ATP2A3: variants seen among roughly 807,000 people sequenced by gnomAD.
ATP2A3 encodes the protein ATPase sarcoplasmic/endoplasmic reticulum Ca2+ transporting 3, also known as sarcoplasmic/endoplasmic reticulum calcium ATPase 3.
In ATP2A3, 61 loss-of-function variants were observed where a neutral mutation model predicts 106.8. That is an observed-to-expected ratio of 0.57 (90% CI 0.46 to 0.71). ATP2A3 has a LOEUF of 0.71. ATP2A3 is among the 30% of genes least tolerant of loss of function. The probability of loss-of-function intolerance (pLI) is 0.00; values close to 1 mark genes in which losing one functional copy is unlikely to be tolerated. For synonymous variants in ATP2A3, 611 were observed against 609.3 expected (o/e 1.00, Z -0.04); for missense variants, 1,201 against 1,423.5 (o/e 0.84, Z 2.52).
intron 1 of ATP2A3, among the ~76,000 whole-genome samples, chr17:3,961,663 C>T (rs1403605340): frequency 1.3e-5 from 2 of 152,116 alleles, no homozygotes; most frequent in Non-Finnish European, 2.9e-5. Flanking sequence ...GGGGAGAACA[C>T]ATGTCTCTGG....
intron 1 of ATP2A3, among the ~76,000 whole-genome samples, 170 bp downstream of exon 1, chr17:3,964,004 C>T (rs917642992): frequency 2.6e-5 from 4 of 152,054 alleles, no homozygotes; most frequent in African/African-American, 9.7e-5. Flanking sequence ...AGCCCCGGCG[C>T]CGGCGAAGGT....
intron 10 of ATP2A3, 96 bp downstream of exon 10, chr17:3,944,608 G>A: frequency 1.5e-6 from 2 of 1,313,156 alleles, no homozygotes; most frequent in Non-Finnish European, 1.1e-6. Flanking sequence ...CTTCCAGGGA[G>A]CAAGGGCTGC....
chr17:3,947,285 G>A lies in ATP2A3; in HGVS notation c.1095+106C>T, dbSNP rs886598713. 11 of 1,375,954 alleles carry A rather than the reference G, an allele frequency of 8.0e-6. No homozygotes were observed. Among genetic ancestry groups the A allele is most frequent in the Non-Finnish European group, 1.0e-5 (10 of 983,308 alleles). The allele number at this position is 1,375,954 out of a possible 1,614,324, so 85.2% of individuals were successfully genotyped here. On this transcript the variant is annotated intron_variant, in intron 8 of 20. Transcript: ENST00000397041. This position sits in a 1 kb window ranked among gnomAD's most constrained non-coding sequence, Gnocchi z 7.7. ...GCTCTGGGCCAAGGGACAGCCCACA[G>A]ATTCTCTCCTCCATCCCTCACTGAA... is the stretch of plus-strand genomic sequence containing the variant.
chr17:3,936,719 A>G lies in ATP2A3; in HGVS notation c.2322-250T>C. 5 of 506,798 alleles carry G rather than the reference A, an allele frequency of 9.9e-6. No homozygotes were observed. Among genetic ancestry groups the G allele is most frequent in the Non-Finnish European group, 1.4e-5 (4 of 284,086 alleles). 31.4% of individuals were successfully genotyped at this position (506,798 alleles called of 1,614,324 possible). A position where few individuals can be genotyped will look rare whatever the true frequency, so the allele number is the denominator to read the frequency against. ...TGCTCTTTAGGCCTAGCAGAGGCCAAGTACACACACACACACACACACACA... is the reference window on the plus strand; with the variant it reads ...TGCTCTTTAGGCCTAGCAGAGGCCAGGTACACACACACACACACACACACA... On this transcript the variant is annotated intron_variant, in intron 15 of 20. Coordinates refer to ENST00000397041, the MANE Select transcript of ATP2A3 (RefSeq NM_005173.4). The surrounding 1 kb of genome is among the most constrained non-coding windows in gnomAD (Gnocchi z 5.4).
Position 3,930,600 on chromosome 17 carries a change from GCGGC to G in ATP2A3, c.2611-170_2611-167del. Reference sequence around the variant, plus strand: ...ATCCCGGGAGGGGTGCGGGGTCGGGGCGGCGGTGGGGAGAGCTGCACCGTGCCAG... The same window carrying G: ...ATCCCGGGAGGGGTGCGGGGTCGGGGGGTGGGGAGAGCTGCACCGTGCCAG... On this transcript the variant is annotated intron_variant, in intron 17 of 20. Coordinates refer to ENST00000397041, the MANE Select transcript of ATP2A3 (RefSeq NM_005173.4). This position sits in a 1 kb window ranked among gnomAD's most constrained non-coding sequence, Gnocchi z 5.4. 2.1e-6 allele frequency: 2 copies of G among 946,340 alleles called. No individual in the cohort carries two copies. The highest frequency in any genetic ancestry group is 2.7e-5 in the East Asian group (1 of 37,634). The allele number at this position is 946,340 out of a possible 1,614,324, so 58.6% of individuals were successfully genotyped here.
Position 3,928,401 on chromosome 17 carries a change from G to A in ATP2A3, c.2980+262C>T. The A allele has an allele frequency of 2.8e-6, 4 of 1,416,802 alleles. No individual in the cohort carries two copies. The highest frequency in any genetic ancestry group is 1.8e-5 in the Admixed American group (1 of 54,722). The allele number at this position is 1,416,802 out of a possible 1,614,324, so 87.8% of individuals were successfully genotyped here. On this transcript the variant is annotated intron_variant, in intron 20 of 20. Transcript: ENST00000397041. The surrounding 1 kb of genome is among the most constrained non-coding windows in gnomAD (Gnocchi z 6.1). The stretch of plus-strand genomic sequence containing the variant: ...CCTGGCCATGTAGGGGGTGGCAGGT[G>A]AAGACAGTGAGGCAGTGTGGCCCAA...
chr17:3,941,641 C>G lies in ATP2A3; in HGVS notation c.1559G>C (p.Ser520Thr), dbSNP rs756861948. ...SKMFVKGAPE[S>T]VIERCSSVRV... The stretch of plus-strand genomic sequence containing the variant: ...GACTGAGCTACAGCGCTCGATCACA[C>G]TCTCAGGAGCCCCCTGCGAGGTGGG... The change falls in exon 13 of 21, where the codon AGT (serine) becomes ACT (threonine). Residue 520 changes from serine to threonine, a missense_variant. Physicochemically the swap from Ser to Thr is moderately conservative, Grantham distance 58. Coordinates refer to ENST00000397041, the MANE Select transcript of ATP2A3 (RefSeq NM_005173.4). 7 of 1,608,126 alleles carry G rather than the reference C, an allele frequency of 4.4e-6. No individual in the cohort carries two copies. The Admixed American group carries it at 5.0e-5, about 11-fold the overall frequency.
chr17:3,963,845 T>G (rs1419646486), intron 1 of ATP2A3, among the ~76,000 whole-genome samples: 5 of 151,340 alleles, frequency 3.3e-5, no homozygotes, highest in Admixed American at 3.3e-4. Context: ...CGGCGCGGCG[T>G]TGGGGTGGAA....
intron 20 of ATP2A3, chr17:3,927,293 T>C (rs1042943329): frequency 6.1e-6 from 6 of 985,374 alleles, no homozygotes; most frequent in Non-Finnish European, 7.2e-6. Context: ...GCTGAGACAT[T>C]TTAGCCATGG....
chr17:3,940,425 G>A (rs1007843263), intron 14 of ATP2A3, among the ~76,000 whole-genome samples: 9 of 152,210 alleles, frequency 5.9e-5, no homozygotes, highest in Non-Finnish European at 4.4e-5. Context: ...GCATGGACAG[G>A]TATGTGATAA....
chr17:3,953,962 C>T lies in ATP2A3; in HGVS notation c.119-252G>A, dbSNP rs750506961. 1.4e-4 allele frequency among the ~76,000 whole-genome samples: 22 copies of T among 152,008 alleles called. No homozygotes were observed. Among genetic ancestry groups the T allele is most frequent in the Non-Finnish European group, 2.2e-4 (15 of 67,976 alleles). On this transcript the variant is annotated intron_variant, in intron 1 of 20. Transcript: ENST00000397041. This position sits in a 1 kb window ranked among gnomAD's most constrained non-coding sequence, Gnocchi z 5.1. Reference sequence around the variant, plus strand: ...GACTTGGCTCATCGTGGGATGAGTACGGAGCCAAGAGGGTCCTTCCAGCCC... The same window carrying T: ...GACTTGGCTCATCGTGGGATGAGTATGGAGCCAAGAGGGTCCTTCCAGCCC...
In ATP2A3 at chr17:3,953,500, C is replaced by G; in HGVS notation, c.137-71G>C. 6.4e-7 allele frequency: 1 copy of G among 1,564,892 alleles called. No individual in the cohort carries two copies. Among genetic ancestry groups the G allele is most frequent in the Non-Finnish European group, 8.8e-7 (1 of 1,136,990 alleles). On this transcript the variant is annotated intron_variant, in intron 2 of 20. Coordinates refer to ENST00000397041, the MANE Select transcript of ATP2A3 (RefSeq NM_005173.4). The surrounding 1 kb of genome is among the most constrained non-coding windows in gnomAD (Gnocchi z 5.1). ...CTGCCCACTCAGAGCTGGGATGGCC[C>G]GGGAGACCTCCCGGCCCATTCCCTC...
At chr17:3,941,377 G>A (rs55858476) in intron 13 of ATP2A3, 59 bp downstream of exon 13, 306,132 of 1,613,556 alleles carry the variant, frequency 0.19, 30,269 homozygotes, top group Middle Eastern at 0.28. Flanking sequence ...AGCTGCTGCA[G>A]GGAGACTTGG....
rs2052584383 is a variant in ATP2A3, at chr17:3,924,018, C to T, written c.*1404G>A. On this transcript the variant is annotated 3_prime_UTR_variant, in exon 21 of 21. Coordinates refer to ENST00000397041, the MANE Select transcript of ATP2A3 (RefSeq NM_005173.4). This position sits in a 1 kb window ranked among gnomAD's most constrained non-coding sequence, Gnocchi z 6.4. ...GGCACCAGACTCCCTGCCTCCCCCA[C>T]TGCGTTTCTCTCACTGGCCGCCCAG... 6.6e-6 allele frequency: 1 copy of T among 152,294 alleles called. No homozygotes were observed. Among genetic ancestry groups the T allele is most frequent in the Non-Finnish European group, 1.5e-5 (1 of 68,094 alleles). The allele number at this position is 152,294 out of a possible 1,614,324, so 9.4% of individuals were successfully genotyped here.
intron 10 of ATP2A3, among the ~76,000 whole-genome samples, chr17:3,944,451 C>CA (rs2053969295): frequency 1.3e-5 from 2 of 152,176 alleles, no homozygotes; most frequent in African/African-American, 4.8e-5. Flanking sequence ...CTCTTCCCCC[C>CA]ACAGGTTTCC....
chr17:3,927,990 C>T, intron 20 of ATP2A3: 2 of 1,614,068 alleles, frequency 1.2e-6, no homozygotes, highest in African/African-American at 1.3e-5. Flanking sequence ...CCCCTGCTTC[C>T]TCCCTCTCTG....
chr17:3,944,663 G>T, intron 10 of ATP2A3, 41 bp downstream of exon 10: 1 of 1,591,088 alleles, frequency 6.3e-7, no homozygotes, highest in Non-Finnish European at 8.6e-7. Context: ...TGTCCTGGTC[G>T]CCTGGATACT....
At chr17:3,939,537 C>G (rs1424059948) in intron 14 of ATP2A3, among the ~76,000 whole-genome samples, 1 of 151,832 alleles carries the variant, frequency 6.6e-6, no homozygotes, top group African/African-American at 2.4e-5. Context: ...ACTTGTAATC[C>G]CAGCACTTTG....
chr17:3,938,420 T>G (rs1470992948), intron 14 of ATP2A3, among the ~76,000 whole-genome samples: 2 of 150,262 alleles, frequency 1.3e-5, no homozygotes, highest in African/African-American at 4.9e-5. Context: ...GGCAACAGAG[T>G]GAGACTCCAT....
Sources: allele counts gnomAD v4.1 joint callset (sites outside exome capture counted in the v4.1 genomes callset), GRCh38; gene constraint gnomAD v4.1.1; non-coding constraint Gnocchi (gnomAD v3.1); transcripts MANE v1.5; gene names NCBI Gene and HGNC (gene_info 2026-07-23, HGNC 2026-07-21).